The following ESPN variants were observed in gnomAD, a reference collection of about 807,000 sequenced individuals.
ESPN encodes autosomal recessive deafness type 36 protein.
In ESPN, 68 loss-of-function variants were observed where a neutral mutation model predicts 77.7. That is an observed-to-expected ratio of 0.87 (90% CI 0.72 to 1.07). ESPN has a LOEUF of 1.07. Among genes scored for constraint, ESPN ranks in the 50% least tolerant of loss-of-function variants. The probability of loss-of-function intolerance (pLI) is 0.00; values close to 1 mark genes in which losing one functional copy is unlikely to be tolerated. For synonymous variants in ESPN, 449 were observed against 567.1 expected (o/e 0.79, Z 2.96); for missense variants, 1,060 against 1,239.0 (o/e 0.86, Z 2.17).
At chr1:6,440,595 C>T (rs1408286724) in intron 3 of ESPN, 31 bp from the exon 4 acceptor site, 3 of 1,127,854 alleles carry the variant, frequency 2.7e-6, no homozygotes, top group East Asian at 5.8e-5. Context: ...CGCCCAGCCC[C>T]CGCCCCCCTC....
At chr1:6,436,475 A>AT (rs1174494978) in intron 2 of ESPN, among the ~76,000 whole-genome samples, 1 of 116,682 alleles carries the variant, frequency 8.6e-6, no homozygotes, top group Non-Finnish European at 1.6e-5. Flanking sequence ...AGTGATGGGA[A>AT]TTTTTTCTTA....
intron 2 of ESPN, among the ~76,000 whole-genome samples, chr1:6,436,583 C>T (rs1643445019): frequency 6.6e-6 from 1 of 151,988 alleles, no homozygotes; most frequent in Non-Finnish European, 1.5e-5. Flanking sequence ...TAGTTCCCTG[C>T]AGCCTCAACT....
Position 6,440,264 on chromosome 1 carries a change from G to A in ESPN, c.499G>A (p.Ala167Thr). The A allele has an allele frequency of 6.5e-7, 1 of 1,549,528 alleles. No individual in the cohort carries two copies. The highest frequency in any genetic ancestry group is 1.2e-5 in the South Asian group (1 of 84,102). ...LVEHYPEGVN[A>T]QTKNGATPLY... The stretch of plus-strand genomic sequence containing the variant: ...GCTGTGTCTCCGCAGGGGAGTGAAT[G>A]CCCAAACCAAGAACGGTGCCACGCC... Residue 167 changes from alanine to threonine, a missense_variant, in exon 3 of 13, where the codon GCC becomes ACC. Ala to Thr is a moderately conservative substitution (Grantham distance 58, BLOSUM62 0). Transcript: ENST00000645284.
intron 12 of ESPN, among the ~76,000 whole-genome samples, chr1:6,457,950 C>T (rs553456516): frequency 7.2e-4 from 108 of 150,950 alleles, no homozygotes; most frequent in African/African-American, 2.0e-3. Context: ...GGCAGGGGGA[C>T]CACTTGAGCC....
intron 12 of ESPN, among the ~76,000 whole-genome samples, chr1:6,458,470 C>G (rs1179541622): frequency 1.3e-5 from 2 of 151,560 alleles, no homozygotes; most frequent in Non-Finnish European, 2.9e-5. Context: ...CGCCCGCCAC[C>G]ACGCCCGGCT....
Position 6,451,904 on chromosome 1 carries a change from G to A in ESPN, c.2133G>A (p.Gly711=), listed in dbSNP as rs1296221110. ...GGAGCCCCACACCGCCAGCTGCGGGGTTTCAGCCGCTGCTCAATGGAAGCT... is the reference window on the plus strand; with the variant it reads ...GGAGCCCCACACCGCCAGCTGCGGGATTTCAGCCGCTGCTCAATGGAAGCT... ...PVRSPTPPAA[G]FQPLLNGSLV... is the part of the protein sequence containing the mutation. Residue 711 remains glycine (G), a synonymous_variant, in exon 10 of 13, where the codon GGG becomes GGA. Coordinates refer to ENST00000645284, the MANE Select transcript of ESPN (RefSeq NM_031475.3). This position sits in a 1 kb window ranked among gnomAD's most constrained non-coding sequence, Gnocchi z 4.3. 2.5e-6 allele frequency: 4 copies of A among 1,611,076 alleles called. No homozygotes were observed. The highest frequency in any genetic ancestry group is 1.7e-4 in the Middle Eastern group (1 of 6,036).
In ESPN at chr1:6,440,258, G is replaced by T. The variant is rs867037570; in HGVS notation, c.493G>T (p.Val165Leu). 3 of 1,549,182 alleles carry T rather than the reference G, an allele frequency of 1.9e-6. No homozygotes were observed. The Admixed American group carries it at 5.9e-5, about 30-fold the overall frequency. Residue 165 changes from valine (V) to leucine (L), a missense_variant, in exon 3 of 13, where the codon GTG becomes TTG. By Grantham distance (32) the Val-to-Leu change is conservative. Transcript: ENST00000645284. ...GTGGGCGCTGTGTCTCCGCAGGGGA[G>T]TGAATGCCCAAACCAAGAACGGTGC... Reference protein sequence around the residue: ...RLLVEHYPEGVNAQTKNGATP... With the variant: ...RLLVEHYPEGLNAQTKNGATP...
At position 6,424,930 on chromosome 1, in the gene ESPN, G is replaced by T; in HGVS notation, c.-26G>T. ...GCGTCCTGGGGAAGGCGCTGAGTGCGGAGTCGCGGCGCCGCACGCGGCACC... is the reference window on the plus strand; with the variant it reads ...GCGTCCTGGGGAAGGCGCTGAGTGCTGAGTCGCGGCGCCGCACGCGGCACC... On this transcript the variant is annotated 5_prime_UTR_variant, in exon 1 of 13. Transcript: ENST00000645284. 1 of 1,436,122 alleles carries T rather than the reference G, an allele frequency of 7.0e-7. No homozygotes were observed. The highest frequency in any genetic ancestry group is 9.1e-7 in the Non-Finnish European group (1 of 1,097,604). 89.0% of individuals were successfully genotyped at this position (1,436,122 alleles called of 1,614,324 possible).
chr1:6,434,809 G>A (rs563347547), intron 2 of ESPN, among the ~76,000 whole-genome samples: 2 of 152,334 alleles, frequency 1.3e-5, no homozygotes, highest in East Asian at 3.9e-4. Flanking sequence ...TTGGTAGGAA[G>A]CGATGGGGAT....
chr1:6,424,791 G>C lies in ESPN; in HGVS notation c.-165G>C. ...CTCCGGCCCCAGAGCGCGGCGGAGC[G>C]GAGCGCCAGGCAGCGCGGAGCGGAG... On this transcript the variant is annotated 5_prime_UTR_variant, in exon 1 of 13. Transcript: ENST00000645284. The C allele has an allele frequency of 2.8e-6, 2 of 707,482 alleles. No homozygotes were observed. The highest frequency in any genetic ancestry group is 3.9e-6 in the Non-Finnish European group (2 of 519,016). 43.8% of individuals were successfully genotyped at this position (707,482 alleles called of 1,614,324 possible). A position where few individuals can be genotyped will look rare whatever the true frequency, so the allele number is the denominator to read the frequency against.
At chr1:6,436,328 T>C (rs78349441) in intron 2 of ESPN, among the ~76,000 whole-genome samples, 12,269 of 152,128 alleles carry the variant, frequency 0.081, 670 homozygotes, top group African/African-American at 0.14. Flanking sequence ...ACCTGTCCTG[T>C]GGGGTTACAA....
chr1:6,454,290 G>A (rs1163284775), intron 10 of ESPN: 3 of 397,172 alleles, frequency 7.6e-6, no homozygotes, highest in Non-Finnish European at 1.3e-5. Flanking sequence ...ACCCCCCGCC[G>A]GCCAGACGCG....
At chr1:6,456,634 C>T (rs1443861083) in intron 10 of ESPN, 1 of 215,344 alleles carries the variant, frequency 4.6e-6, no homozygotes, top group African/African-American at 2.3e-5. Flanking sequence ...ACCCGTTCTC[C>T]TCTGTAACAT....
chr1:6,447,167 GGGCTGTGTGCGCCCCTC>G lies in ESPN; in HGVS notation c.1464+1233_1464+1249del, dbSNP rs1557709865. Among the ~76,000 whole-genome samples the G allele has an allele frequency of 1.3e-5, 2 of 150,664 alleles. No individual in the cohort carries two copies. Among genetic ancestry groups the G allele is most frequent in the African/African-American group, 2.4e-5 (1 of 40,908 alleles). On this transcript the variant is annotated intron_variant, in intron 7 of 12. Coordinates refer to ENST00000645284, the MANE Select transcript of ESPN (RefSeq NM_031475.3). This position sits in a 1 kb window ranked among gnomAD's most constrained non-coding sequence, Gnocchi z 5.2. ...CCCTCCCGGCTGTGTGCGTCCCTCC[GGGCTGTGTGCGCCCCTC>G]CCGGCTGTGTGCGCCCCTCCCCACT...
chr1:6,425,232 G>A lies in ESPN; in HGVS notation c.277G>A (p.Gly93Ser), dbSNP rs955821074. Residue 93 changes from glycine to serine, a missense_variant, in exon 1 of 13, where the codon GGC becomes AGC. Physicochemically the swap from Gly to Ser is moderately conservative, Grantham distance 56 (BLOSUM62 0). Transcript: ENST00000645284. ...LACLQWLLSQ[G>S]GCRVQDKDNS... ...CTGCCTGCAGTGGCTGCTGTCGCAG[G>A]GCGGCTGCAGAGTGCAGGTGGGTCC... The A allele has an allele frequency of 2.6e-5, 40 of 1,564,762 alleles. No homozygotes were observed. Among genetic ancestry groups the A allele is most frequent in the African/African-American group, 2.7e-5 (2 of 73,942 alleles).
At position 6,457,753 on chromosome 1, in the gene ESPN, G is replaced by A. The variant is rs564575908; in HGVS notation, c.2417+381G>A. 5.0e-4 allele frequency among the ~76,000 whole-genome samples: 76 copies of A among 152,334 alleles called. 1 individual carries two copies. The South Asian group carries it at 0.016, about 31-fold the overall frequency. ...ATTTTCTAGTAGCCACAGTGAAAAT[G>A]TAGAAGGATATAGGTGAGCTTCATT... On this transcript the variant is annotated intron_variant, in intron 12 of 12. Transcript: ENST00000645284.
Position 6,451,692 on chromosome 1 carries a change from C to T in ESPN, c.2005C>T (p.Pro669Ser), listed in dbSNP as rs1643946168. 3 of 1,613,040 alleles carry T rather than the reference C, an allele frequency of 1.9e-6. No homozygotes were observed. Among genetic ancestry groups the T allele is most frequent in the Admixed American group, 3.3e-5 (2 of 59,978 alleles). ...IKAGKSLKPT[P>S]QSKGLTTVFS... ...GGCAGGCAAGAGCCTGAAGCCGACG[C>T]CCCAGAGCAAGGGGCTGACCACAGT... Residue 669 changes from proline to serine, a missense_variant, in exon 9 of 13, where the codon CCC becomes TCC. Coordinates refer to ENST00000645284, the MANE Select transcript of ESPN (RefSeq NM_031475.3). The surrounding 1 kb of genome is among the most constrained non-coding windows in gnomAD (Gnocchi z 4.3).
At chr1:6,457,515 A>C in intron 12 of ESPN, 143 bp downstream of exon 12, 4 of 979,898 alleles carry the variant, frequency 4.1e-6, no homozygotes, top group Non-Finnish European at 4.8e-6. Context: ...ATAATACCCC[A>C]GAATCTCTCT....
rs1040677406 is a variant in ESPN, at chr1:6,437,664, G to C, written c.489-2590G>C. ...TCACCAGGCATGGTGCCTGCTCCCC[G>C]CACCATCGTGAAGTGCCGGGCTCAG... is the stretch of plus-strand genomic sequence containing the variant. On this transcript the variant is annotated intron_variant, in intron 2 of 12. Transcript: ENST00000645284. The surrounding 1 kb of genome is among the most constrained non-coding windows in gnomAD (Gnocchi z 4.5). 1 of 152,232 alleles carries C rather than the reference G, an allele frequency of 6.6e-6. No homozygotes were observed. Among genetic ancestry groups the C allele is most frequent in the Non-Finnish European group, 1.5e-5 (1 of 68,096 alleles). The allele number at this position is 152,232 out of a possible 1,614,324, so 9.4% of individuals were successfully genotyped here.
Sources: gnomAD v4.1 joint callset for allele counts (sites outside exome capture counted in the v4.1 genomes callset) on GRCh38, gnomAD v4.1.1 for gene constraint, Gnocchi (gnomAD v3.1) non-coding constraint, MANE v1.5 for transcripts, NCBI Gene and HGNC (gene_info 2026-07-23, HGNC 2026-07-21) for gene names.